Variants in FGD1 observed in about 807,000 individuals in gnomAD.
FGD1 encodes FYVE, RhoGEF and PH domain-containing protein 1.
FGD1 carries 12 observed loss-of-function variants against 65.0 expected under a neutral mutation model. That is an observed-to-expected ratio of 0.18 (90% CI 0.12 to 0.30). The LOEUF is 0.30. Ranked by LOEUF, FGD1 falls within the 10% of genes least tolerant of loss-of-function variation. FGD1 has a pLI of 1.00. For synonymous variants in FGD1, 333 were observed against 343.9 expected (o/e 0.97, Z 0.35); for missense variants, 542 against 837.6 (o/e 0.65, Z 4.36).
chrX:54,473,986 A>C (rs55875435), intron 1 of FGD1, among the ~76,000 whole-genome samples: 12 of 107,745 alleles, frequency 1.1e-4, no homozygotes, highest in Non-Finnish European at 2.3e-4. Context: ...TCTCAAAAAA[A>C]AAATATATAT....
At chrX:54,473,986 A>AT (rs199998075) in intron 1 of FGD1, among the ~76,000 whole-genome samples, 1,849 of 107,769 alleles carry the variant, frequency 0.017, 23 homozygotes, top group African/African-American at 0.042. Flanking sequence ...TCTCAAAAAA[A>AT]AAATATATAT....
At chrX:54,473,757 G>A (rs750325342) in intron 1 of FGD1, among the ~76,000 whole-genome samples, 20 of 111,583 alleles carry the variant, frequency 1.8e-4, no homozygotes, top group Non-Finnish European at 3.0e-4. Flanking sequence ...GGCCAAGGCG[G>A]GCGGTTCACT....
intron 1 of FGD1, among the ~76,000 whole-genome samples, chrX:54,482,390 C>T (rs1923169580): frequency 8.9e-6 from 1 of 111,927 alleles, no homozygotes; most frequent in Non-Finnish European, 1.9e-5. Flanking sequence ...GGATAGGGGG[C>T]GGTAGCTCCA....
intron 7 of FGD1, 51 bp from the exon 8 acceptor site, chrX:54,465,640 C>G (rs1369923724): frequency 8.3e-6 from 10 of 1,208,830 alleles, no homozygotes; most frequent in Non-Finnish European, 1.1e-5. Flanking sequence ...GATGCCCCAC[C>G]ACATCCCTGC....
chrX:54,447,016 G>A lies in FGD1; in HGVS notation c.2580+295C>T, dbSNP rs960903904. On this transcript the variant is annotated intron_variant, in intron 17 of 17. Coordinates refer to ENST00000375135, the MANE Select transcript of FGD1 (RefSeq NM_004463.3). ...TGGGATTACAGGCGTGAGCCACTGC[G>A]CTCGGTCCCATCTGCATACTCTTAC... Among the ~76,000 whole-genome samples, 4 of 111,248 alleles carry A rather than the reference G, an allele frequency of 3.6e-5. No homozygotes were observed. The Admixed American group carries it at 3.8e-4, about 11-fold the overall frequency.
chrX:54,446,721 CTTTTTT>C (rs1226487472), intron 17 of FGD1, among the ~76,000 whole-genome samples: 5,871 of 87,591 alleles, frequency 0.067, 220 homozygotes, highest in Non-Finnish European at 0.099. Context: ...TATCTGCATA[CTTTTTT>C]TTTTTTTTTT....
chrX:54,471,864 T>C (rs1017432198), intron 1 of FGD1, among the ~76,000 whole-genome samples: 9 of 112,205 alleles, frequency 8.0e-5, no homozygotes, highest in South Asian at 3.7e-4. Flanking sequence ...TATAAACCAT[T>C]CTTCAACGCT....
intron 8 of FGD1, among the ~76,000 whole-genome samples, chrX:54,462,461 T>G (rs1349997999): frequency 9.6e-6 from 1 of 104,546 alleles, no homozygotes; most frequent in Non-Finnish European, 2.0e-5. Flanking sequence ...GGCACGATCT[T>G]GGCTCACTGC....
chrX:54,446,080 G>A lies in FGD1; in HGVS notation c.*29C>T, dbSNP rs1014686911. ...CAGACATGGGCAACTAGAGTGTGGG[G>A]TGGGGGCTCCCAGTTTGTCCCAAAC... is the stretch of plus-strand genomic sequence containing the variant. On this transcript the variant is annotated 3_prime_UTR_variant, in exon 18 of 18. Coordinates refer to ENST00000375135, the MANE Select transcript of FGD1 (RefSeq NM_004463.3). 8 of 1,153,419 alleles carry A rather than the reference G, an allele frequency of 6.9e-6. No individual in the cohort carries two copies. The highest frequency in any genetic ancestry group is 1.8e-5 in the African/African-American group (1 of 55,603).
intron 1 of FGD1, among the ~76,000 whole-genome samples, chrX:54,473,317 T>C (rs1922937910): frequency 8.9e-6 from 1 of 112,194 alleles, no homozygotes; most frequent in African/African-American, 3.2e-5. Flanking sequence ...TGCAGGGCCA[T>C]GGAGTGTCAT....
chrX:54,489,945 A>C (rs116136444), intron 1 of FGD1, among the ~76,000 whole-genome samples: 2,054 of 112,412 alleles, frequency 0.018, 40 homozygotes, highest in African/African-American at 0.064. Flanking sequence ...ATGCCCATCA[A>C]TAGTAGACTG....
chrX:54,471,568 C>A, intron 1 of FGD1, 81 bp from the exon 2 acceptor site: 2 of 936,384 alleles, frequency 2.1e-6, no homozygotes, highest in South Asian at 4.5e-5. Context: ...ACTGGCATGT[C>A]TTAGCAGCTA....
chrX:54,468,925 C>G, intron 4 of FGD1, 49 bp from the exon 5 acceptor site: 2 of 952,212 alleles, frequency 2.1e-6, no homozygotes, highest in Non-Finnish European at 3.0e-6. Context: ...CTATCGTAAC[C>G]CTCACCCAAG....
intron 4 of FGD1, 135 bp from the exon 5 acceptor site, chrX:54,469,011 C>G: frequency 2.0e-6 from 1 of 509,779 alleles, no homozygotes; most frequent in Non-Finnish European, 3.5e-6. Flanking sequence ...ACCCCCATCT[C>G]TAGATCTGTA....
chrX:54,446,721 CTTTTTTT>C (rs1226487472), intron 17 of FGD1, among the ~76,000 whole-genome samples: 7 of 87,667 alleles, frequency 8.0e-5, no homozygotes, highest in Non-Finnish European at 1.1e-4. Flanking sequence ...TATCTGCATA[CTTTTTTT>C]TTTTTTTTTT....
In FGD1 at chrX:54,458,193, A is replaced by C. The variant is rs1181808329; in HGVS notation, c.1637-1626T>G. Among the ~76,000 whole-genome samples, 4 of 111,839 alleles carry C rather than the reference A, an allele frequency of 3.6e-5. No individual in the cohort carries two copies. In the Admixed American group the frequency reaches 3.8e-4, roughly 11 times the overall value. ...AGTTTACTGTCACTCCTCTGCTCAA[A>C]TCTGTCAATGGCTCCCCTGTGCCTG... On this transcript the variant is annotated intron_variant, in intron 8 of 17. Coordinates refer to ENST00000375135, the MANE Select transcript of FGD1 (RefSeq NM_004463.3).
At chrX:54,457,016 C>T (rs556827500) in intron 8 of FGD1, among the ~76,000 whole-genome samples, 1 of 111,510 alleles carries the variant, frequency 9.0e-6, no homozygotes, top group South Asian at 3.8e-4. Context: ...AAGATGTCCA[C>T]AGCAACATCA....
chrX:54,482,641 G>T (rs960469448), intron 1 of FGD1, among the ~76,000 whole-genome samples: 7 of 112,061 alleles, frequency 6.2e-5, no homozygotes, highest in Non-Finnish European at 1.3e-4. Flanking sequence ...TTCACCAGAG[G>T]CCTGGCCAAA....
chrX:54,481,494 C>T (rs1267661243), intron 1 of FGD1, among the ~76,000 whole-genome samples: 4 of 99,112 alleles, frequency 4.0e-5, no homozygotes, highest in Non-Finnish European at 8.1e-5. Context: ...ACCCATTTTA[C>T]AGATGAGGAA....
Sources: gnomAD v4.1 joint callset for allele counts (sites outside exome capture counted in the v4.1 genomes callset) on GRCh38, gnomAD v4.1.1 for gene constraint, MANE v1.5 for transcripts, NCBI Gene and HGNC (gene_info 2026-07-23, HGNC 2026-07-21) for gene names.